The following ADAMTS5 variants were observed in gnomAD, a reference collection of about 807,000 sequenced individuals.
The protein encoded by ADAMTS5 is ADAM metallopeptidase with thrombospondin type 1 motif 5, also known as A disintegrin and metalloproteinase with thrombospondin motifs 5.
Under a neutral mutation model 81.4 loss-of-function variants are expected in ADAMTS5, and 54 were observed. That is an observed-to-expected ratio of 0.66 (90% CI 0.53 to 0.83). The LOEUF (loss-of-function observed/expected upper bound fraction) is 0.83. ADAMTS5 is among the 40% of genes least tolerant of loss of function. The pLI is 0.00. For missense variants in ADAMTS5, 1,194 were observed against 1,229.9 expected (o/e 0.97, Z 0.44); for synonymous variants, 532 against 508.8 (o/e 1.05, Z -0.61).
chr21:26,955,486 T>C (rs1987407560), intron 1 of ADAMTS5, among the ~76,000 whole-genome samples: 1 of 152,212 alleles, frequency 6.6e-6, no homozygotes, highest in Non-Finnish European at 1.5e-5. Flanking sequence ...AGAAAATATA[T>C]GTCATATATT....
In ADAMTS5 at chr21:26,934,640, G is replaced by A. The variant is rs1361091179; in HGVS notation, c.1515C>T (p.Tyr505=). 1.2e-6 allele frequency: 2 copies of A among 1,614,062 alleles called. No individual in the cohort carries two copies. Among genetic ancestry groups the A allele is most frequent in the Admixed American group, 1.7e-5 (1 of 60,010 alleles). ...QQCNLTFGPE[Y]SVCPGMDVCA... ...AGACATCCATGCCGGGACACACGGA[G>A]TACTCAGGCCCGAATGTCAGGTTGC... Residue 505 remains tyrosine, a synonymous_variant, in exon 4 of 8, where the codon TAC becomes TAT. Coordinates refer to ENST00000284987, the MANE Select transcript of ADAMTS5 (RefSeq NM_007038.5).
chr21:26,926,236 G>C (rs554361177), intron 7 of ADAMTS5, among the ~76,000 whole-genome samples: 1 of 152,296 alleles, frequency 6.6e-6, no homozygotes, highest in East Asian at 1.9e-4. Context: ...ACTCCAGCCC[G>C]AGTAACAGAA....
chr21:26,928,376 T>C (rs564229006), intron 7 of ADAMTS5, among the ~76,000 whole-genome samples: 2 of 152,220 alleles, frequency 1.3e-5, no homozygotes, highest in African/African-American at 4.8e-5. Flanking sequence ...TTCAGGTGGT[T>C]ACATTGCATA....
At chr21:26,934,092 C>G (rs1380766760) in intron 4 of ADAMTS5, among the ~76,000 whole-genome samples, 3 of 152,166 alleles carry the variant, frequency 2.0e-5, no homozygotes, top group African/African-American at 7.2e-5. Flanking sequence ...TGTATCGGCT[C>G]TGCTATTACC....
At chr21:26,943,699 A>G (rs1033390675) in intron 2 of ADAMTS5, 152 bp from the exon 3 acceptor site, 3 of 695,574 alleles carry the variant, frequency 4.3e-6, no homozygotes, top group Non-Finnish European at 7.0e-6. Context: ...CTCCAGGGAA[A>G]TAAAAGTTGC....
In ADAMTS5 at chr21:26,966,084, T is replaced by C. The variant is rs745374155; in HGVS notation, c.308A>G (p.Glu103Gly). 6.2e-7 allele frequency: 1 copy of C among 1,612,790 alleles called. No individual in the cohort carries two copies. The highest frequency in any genetic ancestry group is 1.3e-5 in the African/African-American group (1 of 74,918). ...AGCAATGCCCACCGAACCATCTCGC[T>C]CCAGGTCCAAGAGGAACCTCCGGCC... is the stretch of plus-strand genomic sequence containing the variant. ...AGGRRFLLDLERDGSVGIAGF... is the reference protein window; with the variant it reads ...AGGRRFLLDLGRDGSVGIAGF... The change falls in exon 1 of 8, where the codon GAG becomes GGG. Residue 103 changes from glutamate to glycine, a missense_variant. Glu to Gly is a moderately conservative substitution (Grantham distance 98). This residue lies in a region of ADAMTS5 where 498 missense variants were observed against 412.3 expected (regional missense o/e 1.21). Coordinates refer to ENST00000284987, the MANE Select transcript of ADAMTS5 (RefSeq NM_007038.5).
intron 1 of ADAMTS5, among the ~76,000 whole-genome samples, chr21:26,963,389 A>T (rs1987566984): frequency 6.6e-6 from 1 of 151,986 alleles, no homozygotes; most frequent in East Asian, 1.9e-4. Flanking sequence ...TAGGAATGTT[A>T]TGGGGCAGGA....
rs553853916 is a variant in ADAMTS5, at chr21:26,919,748, C to T, written c.*4305G>A. On this transcript the variant is annotated 3_prime_UTR_variant, in exon 8 of 8. Transcript: ENST00000284987. ...TGAGAAATTATCTCTATAGATTATGCTAACAAAGGATTCTTAGGAAGATTT... is the reference window on the plus strand; with the variant it reads ...TGAGAAATTATCTCTATAGATTATGTTAACAAAGGATTCTTAGGAAGATTT... 4 of 152,084 alleles carry T rather than the reference C, an allele frequency of 2.6e-5. No homozygotes were observed. The South Asian group carries it at 6.2e-4, about 24-fold the overall frequency. 9.4% of individuals were successfully genotyped at this position (152,084 alleles called of 1,614,324 possible). A position where few individuals can be genotyped will look rare whatever the true frequency, so the allele number is the denominator to read the frequency against.
At position 26,929,872 on chromosome 21, in the gene ADAMTS5, T is replaced by A; in HGVS notation, c.2225+14A>T. On this transcript the variant is annotated intron_variant, in intron 7 of 7. Coordinates refer to ENST00000284987, the MANE Select transcript of ADAMTS5 (RefSeq NM_007038.5). ...TGTTCAATTCACATAAAGACAAAGGTTCTATCATATTACCTTTTCTTATTA... is the reference window on the plus strand; with the variant it reads ...TGTTCAATTCACATAAAGACAAAGGATCTATCATATTACCTTTTCTTATTA... The A allele has an allele frequency of 6.2e-7, 1 of 1,611,022 alleles. No homozygotes were observed. The highest frequency in any genetic ancestry group is 8.5e-7 in the Non-Finnish European group (1 of 1,177,892).
chr21:26,929,589 T>G (rs1986867829), intron 7 of ADAMTS5, among the ~76,000 whole-genome samples: 1 of 152,206 alleles, frequency 6.6e-6, no homozygotes, highest in African/African-American at 2.4e-5. Flanking sequence ...CTGCAAGATA[T>G]CACTAAAGTG....
chr21:26,944,527 A>G (rs903337228), intron 2 of ADAMTS5, among the ~76,000 whole-genome samples: 7 of 152,224 alleles, frequency 4.6e-5, no homozygotes, highest in Non-Finnish European at 1.0e-4. Context: ...ACAAATTTAC[A>G]ATGCTATTTA....
chr21:26,924,352 CTA>C lies in ADAMTS5; in HGVS notation c.2492_2493del (p.Ile831SerfsTer10), dbSNP rs752158343. ...GTGGGGTCTGTTGCAAGAATCTGCA[CTA>C]TTAGAATTTCCTTCGTGGCAGAGTA... is the stretch of plus-strand genomic sequence containing the variant. ...MGYSATKEIL[I>X]VQILATDPTK... On this transcript the variant is annotated frameshift_variant, in exon 8 of 8. Coordinates refer to ENST00000284987, the MANE Select transcript of ADAMTS5 (RefSeq NM_007038.5). LOFTEE classifies it high-confidence loss of function. 6.2e-7 allele frequency: 1 copy of C among 1,614,054 alleles called. No individual in the cohort carries two copies. The highest frequency in any genetic ancestry group is 1.3e-5 in the African/African-American group (1 of 74,916).
intron 7 of ADAMTS5, among the ~76,000 whole-genome samples, chr21:26,927,011 G>A (rs1986817034): frequency 6.6e-6 from 1 of 152,112 alleles, no homozygotes; most frequent in Non-Finnish European, 1.5e-5. Context: ...TAGTGCCTTA[G>A]TAAGAGATGA....
Position 26,932,890 on chromosome 21 carries a change from G to A in ADAMTS5, c.1844C>T (p.Ser615Phe). 6.2e-7 allele frequency: 1 copy of A among 1,613,548 alleles called. No individual in the cohort carries two copies. The highest frequency in any genetic ancestry group is 1.7e-5 in the Admixed American group (1 of 59,902). Residue 615 changes from serine (S) to phenylalanine (F), a missense_variant, in exon 5 of 8, where the codon TCC (serine) becomes TTC (phenylalanine). Around this residue, in one of 2 missense-constraint regions of ADAMTS5, gnomAD observed 696 missense variants for 817.6 expected, o/e 0.85. Transcript: ENST00000284987. ...GGGTGGGCAGGGCATGAGACTGCAG[G>A]AGCGGTAGATGGCCCTCTTCCCTGT... is the stretch of plus-strand genomic sequence containing the variant. Reference protein sequence around the residue: ...YCTGKRAIYRSCSLMPCPPNG... With the variant: ...YCTGKRAIYRFCSLMPCPPNG...
At chr21:26,949,167 C>T (rs1252381158) in intron 2 of ADAMTS5, among the ~76,000 whole-genome samples, 1 of 143,220 alleles carries the variant, frequency 7.0e-6, no homozygotes, top group African/African-American at 2.6e-5. Flanking sequence ...CACATATATC[C>T]ATATATATAT....
chr21:26,955,693 AC>A (rs1214998924), intron 1 of ADAMTS5, among the ~76,000 whole-genome samples: 1 of 152,176 alleles, frequency 6.6e-6, no homozygotes, highest in Non-Finnish European at 1.5e-5. Context: ...ATAAGCCGCA[AC>A]TTTTTGACAT....
Position 26,966,455 on chromosome 21 carries a change from G to A in ADAMTS5, c.-64C>T, listed in dbSNP as rs1423678998. On this transcript the variant is annotated 5_prime_UTR_variant, in exon 1 of 8. Coordinates refer to ENST00000284987, the MANE Select transcript of ADAMTS5 (RefSeq NM_007038.5). ...TTTATGGGTATTTGTTATTTGCTAT[G>A]AAGTTAACGGGGCGGGGGATGGGGA... 2.2e-6 allele frequency: 3 copies of A among 1,374,268 alleles called. No homozygotes were observed. Among genetic ancestry groups the A allele is most frequent in the Non-Finnish European group, 2.8e-6 (3 of 1,069,966 alleles). 85.1% of individuals were successfully genotyped at this position (1,374,268 alleles called of 1,614,324 possible).
intron 2 of ADAMTS5, 138 bp downstream of exon 2, chr21:26,954,601 G>T: frequency 7.8e-7 from 1 of 1,287,264 alleles, no homozygotes; most frequent in Non-Finnish European, 1.1e-6. Flanking sequence ...CCTTAAAAGT[G>T]CAGATATAAA....
chr21:26,929,942 T>C lies in ADAMTS5; in HGVS notation c.2169A>G (p.Val723=), dbSNP rs753761037. Residue 723 remains valine (V), a synonymous_variant, in exon 7 of 8, where the codon GTA becomes GTG. Coordinates refer to ENST00000284987, the MANE Select transcript of ADAMTS5 (RefSeq NM_007038.5). ...GSKLQYDKCG[V]CGGDNSSCTK... ...TACAGCTGGAGTTGTCTCCTCCACA[T>C]ACTCCGCACTTGTCATACTGCAGCT... 26 of 1,614,042 alleles carry C rather than the reference T, an allele frequency of 1.6e-5. No homozygotes were observed. The highest frequency in any genetic ancestry group is 2.0e-5 in the Non-Finnish European group (24 of 1,179,994).
Sources: gnomAD v4.1 joint callset for allele counts (sites outside exome capture counted in the v4.1 genomes callset) on GRCh38, gnomAD v4.1.1 for gene constraint, gnomAD v4.1.1 regional missense constraint, MANE v1.5 for transcripts, NCBI Gene and HGNC (gene_info 2026-07-23, HGNC 2026-07-21) for gene names.